Variants in ATP2B1 observed in about 807,000 individuals in gnomAD.
The protein encoded by ATP2B1 is ATPase plasma membrane Ca2+ transporting 1.
Under a neutral mutation model 124.2 loss-of-function variants are expected in ATP2B1, and 14 were observed. The ratio of observed to expected loss-of-function variants is 0.11; its 90% confidence interval spans 0.07 to 0.18. The LOEUF (loss-of-function observed/expected upper bound fraction) is 0.18. Ranked by LOEUF, ATP2B1 falls within the 10% of genes least tolerant of loss-of-function variation. ATP2B1 has a pLI of 1.00. For missense variants in ATP2B1, 763 were observed against 1,466.1 expected, an observed-to-expected ratio of 0.52 and a Z score of 7.83; for synonymous variants, 449 against 492.4, an observed-to-expected ratio of 0.91 and a Z score of 1.17.
intron 3 of ATP2B1, among the ~76,000 whole-genome samples, chr12:89,639,767 G>A (rs1312340297): frequency 1.3e-5 from 2 of 151,926 alleles, no homozygotes; most frequent in African/African-American, 4.8e-5. Flanking sequence ...ACAAATTTAG[G>A]AAAGGACCTG....
chr12:89,658,641 G>GAGAGAT, intron 1 of ATP2B1, among the ~76,000 whole-genome samples: 1 of 150,338 alleles, frequency 6.7e-6, no homozygotes, highest in South Asian at 2.1e-4. Flanking sequence ...GAGAGAGAGA[G>GAGAGAT]AGAGAGATAG....
intron 9 of ATP2B1, among the ~76,000 whole-genome samples, chr12:89,622,372 A>G (rs748015035): frequency 6.6e-6 from 1 of 152,032 alleles, no homozygotes; most frequent in Non-Finnish European, 1.5e-5. Context: ...GCTATTCTAT[A>G]TGCTGGCAGA....
chr12:89,670,298 T>C (rs544438306), intron 1 of ATP2B1, among the ~76,000 whole-genome samples: 3 of 151,358 alleles, frequency 2.0e-5, no homozygotes, highest in African/African-American at 7.3e-5. Flanking sequence ...TAAATACGTT[T>C]AACAATAAAT....
At chr12:89,684,605 A>G (rs555568686) in intron 1 of ATP2B1, among the ~76,000 whole-genome samples, 1 of 152,330 alleles carries the variant, frequency 6.6e-6, no homozygotes, top group Admixed American at 6.5e-5. Flanking sequence ...ACAAATTAGG[A>G]CTGTTTCAGC....
chr12:89,704,845 TA>T (rs1222279504), intron 1 of ATP2B1, among the ~76,000 whole-genome samples: 1 of 152,090 alleles, frequency 6.6e-6, no homozygotes, highest in East Asian at 1.9e-4. Flanking sequence ...TATATGCCAC[TA>T]AAGAATCAAC....
chr12:89,628,401 CAAAAAAAAAAAAAAAA>C (rs567077317), intron 6 of ATP2B1, among the ~76,000 whole-genome samples: 14 of 79,618 alleles, frequency 1.8e-4, no homozygotes, highest in African/African-American at 6.6e-4. Context: ...GACTCCGTCT[CAAAAAAAAAAAAAAAA>C]AAAAAAAAAA....
intron 6 of ATP2B1, among the ~76,000 whole-genome samples, chr12:89,629,166 C>T (rs1881431835): frequency 6.6e-6 from 1 of 152,118 alleles, no homozygotes; most frequent in Non-Finnish European, 1.5e-5. Flanking sequence ...CGTTCAATGA[C>T]TTTCAACTCT....
rs370672144 is a variant in ATP2B1 at position 89,670,012 on chromosome 12, A to G, written c.-221-13905T>C. Reference sequence around the variant, plus strand: ...GGAGAGTGACACACCAGTGGGAGAAAAAAGTTTTCTTCTCACAATTAAAAT... The same window carrying G: ...GGAGAGTGACACACCAGTGGGAGAAGAAAGTTTTCTTCTCACAATTAAAAT... On this transcript the variant is annotated intron_variant, in intron 1 of 20. Coordinates refer to ENST00000428670, the MANE Select transcript of ATP2B1 (RefSeq NM_001366521.1). Among the ~76,000 whole-genome samples, 11 of 152,340 alleles carry G rather than the reference A, an allele frequency of 7.2e-5. No individual in the cohort carries two copies. In the South Asian group the frequency reaches 1.5e-3, roughly 20 times the overall value.
In ATP2B1 at chr12:89,655,862, C is replaced by A; in HGVS notation, c.25G>T (p.Val9Phe). Residue 9 changes from valine to phenylalanine, a missense_variant, in exon 2 of 21, where the codon GTT (valine) becomes TTT (phenylalanine). Val to Phe is a conservative substitution (Grantham distance 50). Coordinates refer to ENST00000428670, the MANE Select transcript of ATP2B1 (RefSeq NM_001366521.1). MGDMANNS[V>F]AYSGVKNSLK... Reference sequence around the variant, plus strand: ...GAGTTTTTCACACCACTGTAAGCAACTGAGTTGTTTGCCATGTCGCCCATT... The same window carrying A: ...GAGTTTTTCACACCACTGTAAGCAAATGAGTTGTTTGCCATGTCGCCCATT... 2 of 1,602,700 alleles carry A rather than the reference C, an allele frequency of 1.2e-6. No individual in the cohort carries two copies. Among genetic ancestry groups the A allele is most frequent in the Non-Finnish European group, 8.5e-7 (1 of 1,172,156 alleles).
chr12:89,597,946 C>T (rs1273233012), intron 20 of ATP2B1, among the ~76,000 whole-genome samples: 1 of 131,952 alleles, frequency 7.6e-6, no homozygotes. Context: ...ATTGTCTATA[C>T]AAATGGAAAA....
chr12:89,706,640 T>C lies in ATP2B1; in HGVS notation c.-222+1956A>G, dbSNP rs568397094. Among the ~76,000 whole-genome samples, 3 of 152,138 alleles carry C rather than the reference T, an allele frequency of 2.0e-5. No homozygotes were observed. The South Asian group carries it at 6.2e-4, about 32-fold the overall frequency. On this transcript the variant is annotated intron_variant, in intron 1 of 20. Transcript: ENST00000428670. ...TTCTCTCAAAAGAGAAATGAGAGAATACAGAAAAATGAAGACAATTCCCCC... is the reference window on the plus strand; with the variant it reads ...TTCTCTCAAAAGAGAAATGAGAGAACACAGAAAAATGAAGACAATTCCCCC...
At chr12:89,636,673 A>G (rs1882762064) in intron 3 of ATP2B1, among the ~76,000 whole-genome samples, 1 of 152,192 alleles carries the variant, frequency 6.6e-6, no homozygotes, top group South Asian at 2.1e-4. Context: ...CTAAAAAGCA[A>G]TCTGGGAGGG....
At chr12:89,694,079 G>A (rs1321141008) in intron 1 of ATP2B1, among the ~76,000 whole-genome samples, 1 of 152,104 alleles carries the variant, frequency 6.6e-6, no homozygotes, top group Non-Finnish European at 1.5e-5. Context: ...GGAATGTCAT[G>A]GTACAATTAA....
intron 3 of ATP2B1, among the ~76,000 whole-genome samples, chr12:89,638,511 T>C (rs1162487648): frequency 6.6e-6 from 1 of 152,202 alleles, no homozygotes; most frequent in African/African-American, 2.4e-5. Context: ...CTGCATGTGA[T>C]AATGTGACAT....
chr12:89,706,509 T>A lies in ATP2B1; in HGVS notation c.-222+2087A>T, dbSNP rs138663899. ...TCTTTTACCAAGAATATCCAGACCA[T>A]CAATATTATTATAAACACAAATCAA... On this transcript the variant is annotated intron_variant, in intron 1 of 20. Coordinates refer to ENST00000428670, the MANE Select transcript of ATP2B1 (RefSeq NM_001366521.1). 5.7e-3 allele frequency among the ~76,000 whole-genome samples: 863 copies of A among 152,168 alleles called. 6 individuals carry two copies. The highest frequency in any genetic ancestry group is 9.2e-3 in the Non-Finnish European group (623 of 68,000).
intron 1 of ATP2B1, among the ~76,000 whole-genome samples, chr12:89,707,989 T>TG: frequency 6.6e-6 from 1 of 152,264 alleles, no homozygotes; most frequent in East Asian, 1.9e-4. Context: ...GTGAACATCC[T>TG]GGGGGGCCAG....
intron 1 of ATP2B1, among the ~76,000 whole-genome samples, chr12:89,672,512 ATATTCCTTTC>A (rs1191583302): frequency 2.0e-5 from 3 of 152,106 alleles, no homozygotes; most frequent in African/African-American, 4.8e-5. Context: ...TGATGTATGT[ATATTCCTTTC>A]TATTCCTTTC....
intron 1 of ATP2B1, among the ~76,000 whole-genome samples, chr12:89,698,075 T>C (rs1239504258): frequency 1.3e-5 from 2 of 152,074 alleles, no homozygotes; most frequent in African/African-American, 2.4e-5. Flanking sequence ...TTCACCATTT[T>C]GGCCAGGCTG....
chr12:89,667,937 A>G (rs1028667319), intron 1 of ATP2B1, among the ~76,000 whole-genome samples: 2 of 152,204 alleles, frequency 1.3e-5, no homozygotes, highest in East Asian at 1.9e-4. Context: ...CAAAACAAGC[A>G]AACAATTAAG....
Sources: gnomAD v4.1 joint callset for allele counts (sites outside exome capture counted in the v4.1 genomes callset) on GRCh38, gnomAD v4.1.1 for gene constraint, MANE v1.5 for transcripts, NCBI Gene and HGNC (gene_info 2026-07-23, HGNC 2026-07-21) for gene names.